NXPH1: variants seen among roughly 807,000 people sequenced by gnomAD.
The protein encoded by NXPH1 is neurexophilin 1, also known as neurexophilin-1.
In NXPH1, 5 loss-of-function variants were observed where a neutral mutation model predicts 23.7. The observed-to-expected ratio is 0.21, with a 90% confidence interval of 0.11 to 0.44. NXPH1 has a LOEUF of 0.44. NXPH1 is among the 20% of genes least tolerant of loss of function. The pLI is 0.99. For synonymous variants in NXPH1, 144 were observed against 122.2 expected (o/e 1.18, Z -1.18); for missense variants, 324 against 321.6 (o/e 1.01, Z -0.06).
At chr7:8,448,889 A>T (rs192702612) in intron 2 of NXPH1, among the ~76,000 whole-genome samples, 1 of 152,114 alleles carries the variant, frequency 6.6e-6, no homozygotes, top group African/African-American at 2.4e-5. Flanking sequence ...ATGAAGAGAC[A>T]AGTCATCAAT....
At chr7:8,600,680 C>T (rs112032245) in intron 2 of NXPH1, among the ~76,000 whole-genome samples, 1 of 152,124 alleles carries the variant, frequency 6.6e-6, no homozygotes, top group Admixed American at 6.6e-5. Flanking sequence ...TTCATTGAAC[C>T]TTCTCTCTTC....
intron 2 of NXPH1, among the ~76,000 whole-genome samples, chr7:8,665,494 T>C (rs553065032): frequency 9.7e-4 from 148 of 152,206 alleles, no homozygotes; most frequent in Non-Finnish European, 1.7e-3. Flanking sequence ...CTTTGGCCAT[T>C]TGGGGTCTAT....
At chr7:8,592,824 G>GCC (rs1819128030) in intron 2 of NXPH1, among the ~76,000 whole-genome samples, 1 of 136,460 alleles carries the variant, frequency 7.3e-6, no homozygotes, top group African/African-American at 3.1e-5. Context: ...TTGTGAAATA[G>GCC]TCTTTTTTTT....
At chr7:8,478,746 A>T (rs1289104444) in intron 2 of NXPH1, among the ~76,000 whole-genome samples, 1 of 152,152 alleles carries the variant, frequency 6.6e-6, no homozygotes, top group Non-Finnish European at 1.5e-5. Context: ...GAGCATATTG[A>T]TCAAACCAAA....
intron 2 of NXPH1, among the ~76,000 whole-genome samples, chr7:8,527,840 T>C (rs10225687): frequency 0.41 from 63,066 of 152,064 alleles, 14,046 homozygotes; most frequent in Middle Eastern, 0.51. Context: ...TGATACACTT[T>C]TTAGTGTGAG....
intron 2 of NXPH1, among the ~76,000 whole-genome samples, chr7:8,649,495 A>C (rs763157118): frequency 1.3e-5 from 2 of 152,158 alleles, no homozygotes; most frequent in Non-Finnish European, 1.5e-5. Context: ...CAAAACCAAG[A>C]CCAGGGCAAA....
intron 2 of NXPH1, among the ~76,000 whole-genome samples, chr7:8,499,799 C>T (rs1231473751): frequency 6.6e-6 from 1 of 152,144 alleles, no homozygotes; most frequent in African/African-American, 2.4e-5. Context: ...GAGCATTGGC[C>T]TCTGCAGCTG....
At chr7:8,437,731 T>C (rs575585531) in intron 2 of NXPH1, among the ~76,000 whole-genome samples, 103 of 152,372 alleles carry the variant, frequency 6.8e-4, no homozygotes, top group African/African-American at 2.4e-3. Context: ...AACAAGCGCA[T>C]TAATTCTCCT....
intron 2 of NXPH1, among the ~76,000 whole-genome samples, chr7:8,471,904 T>C (rs2128608470): frequency 6.6e-6 from 1 of 152,172 alleles, no homozygotes; most frequent in East Asian, 1.9e-4. Flanking sequence ...GTGTTTACCA[T>C]AAAGCTAACA....
chr7:8,487,088 G>C (rs1817171158), intron 2 of NXPH1, among the ~76,000 whole-genome samples: 1 of 152,012 alleles, frequency 6.6e-6, no homozygotes, highest in African/African-American at 2.4e-5. Flanking sequence ...TAGTTTCTCA[G>C]TACATATTTT....
Position 8,523,323 on chromosome 7 carries a change from C to T in NXPH1, c.54+87556C>T, listed in dbSNP as rs144581556. ...GAGATGTTAATCTGACCTCTTCTGG[C>T]ACCTGTATATTGAAGCTGGGGTCCC... is the stretch of plus-strand genomic sequence containing the variant. On this transcript the variant is annotated intron_variant, in intron 2 of 2. Transcript: ENST00000405863. Among the ~76,000 whole-genome samples, 953 of 152,306 alleles carry T rather than the reference C, an allele frequency of 6.3e-3. 10 individuals carry two copies. Among genetic ancestry groups the T allele is most frequent in the African/African-American group, 0.022 (900 of 41,572 alleles).
intron 2 of NXPH1, among the ~76,000 whole-genome samples, chr7:8,745,863 G>C (rs975398311): frequency 1.3e-5 from 2 of 151,400 alleles, no homozygotes; most frequent in Non-Finnish European, 1.5e-5. Context: ...TACTGTCCCC[G>C]GCCCTGTTCT....
chr7:8,703,877 G>T (rs1419873990), intron 2 of NXPH1, among the ~76,000 whole-genome samples: 1 of 152,028 alleles, frequency 6.6e-6, no homozygotes, highest in Non-Finnish European at 1.5e-5. Context: ...GGAACTTGCA[G>T]TACAAAGGGA....
intron 2 of NXPH1, among the ~76,000 whole-genome samples, chr7:8,512,754 G>C (rs1429665579): frequency 1.3e-5 from 2 of 152,076 alleles, no homozygotes; most frequent in Non-Finnish European, 1.5e-5. Context: ...CCATAATAAA[G>C]TGTTTTCTCC....
intron 2 of NXPH1, among the ~76,000 whole-genome samples, chr7:8,509,465 T>A (rs1046571502): frequency 6.6e-6 from 1 of 152,124 alleles, no homozygotes; most frequent in Non-Finnish European, 1.5e-5. Context: ...ATTTCTTTCT[T>A]CTTTTTTCTC....
intron 2 of NXPH1, among the ~76,000 whole-genome samples, chr7:8,661,844 TA>T (rs2115162330): frequency 6.6e-6 from 1 of 152,112 alleles, no homozygotes; most frequent in East Asian, 1.9e-4. Context: ...TGTTTCCAAA[TA>T]ATGAATTACC....
intron 2 of NXPH1, among the ~76,000 whole-genome samples, chr7:8,729,928 T>C (rs1327067633): frequency 1.4e-5 from 2 of 145,300 alleles, no homozygotes; most frequent in Admixed American, 6.9e-5. Flanking sequence ...CTGTCTAATG[T>C]TGACAGTGGG....
chr7:8,582,195 G>C (rs1003921084), intron 2 of NXPH1, among the ~76,000 whole-genome samples: 3 of 152,214 alleles, frequency 2.0e-5, no homozygotes, highest in African/African-American at 7.2e-5. Flanking sequence ...GAAGCTTGTA[G>C]ATGCCGGGAA....
chr7:8,736,491 A>G (rs1780258040), intron 2 of NXPH1, among the ~76,000 whole-genome samples: 1 of 152,180 alleles, frequency 6.6e-6, no homozygotes, highest in Non-Finnish European at 1.5e-5. Flanking sequence ...GTGGCCTGAG[A>G]GACTGTTTGT....
Sources: allele counts gnomAD v4.1 joint callset (sites outside exome capture counted in the v4.1 genomes callset), GRCh38; gene constraint gnomAD v4.1.1; transcripts MANE v1.5; gene names NCBI Gene and HGNC (gene_info 2026-07-23, HGNC 2026-07-21).